CNTN5: variants seen among roughly 807,000 people sequenced by gnomAD.
CNTN5 encodes contactin-5.
CNTN5 carries 77 observed loss-of-function variants against 129.1 expected under a neutral mutation model. That is an observed-to-expected ratio of 0.60 (90% CI 0.50 to 0.72). The LOEUF is 0.72. CNTN5 is among the 30% of genes least tolerant of loss of function. CNTN5 has a pLI of 0.00. For missense variants in CNTN5, 1,478 were observed against 1,328.8 expected (o/e 1.11, Z -1.75); for synonymous variants, 509 against 465.6 (o/e 1.09, Z -1.20).
chr11:99,237,635 C>G (rs967429769), intron 1 of CNTN5, among the ~76,000 whole-genome samples: 3 of 151,758 alleles, frequency 2.0e-5, no homozygotes, highest in Non-Finnish European at 4.4e-5. Flanking sequence ...GAGCTGAGAT[C>G]GTGCCACCGC....
chr11:99,182,353 C>T (rs893015491), intron 1 of CNTN5, among the ~76,000 whole-genome samples: 5 of 152,116 alleles, frequency 3.3e-5, no homozygotes, highest in Non-Finnish European at 5.9e-5. Context: ...AATGTTGTAC[C>T]TCACAGTCAT....
intron 3 of CNTN5, among the ~76,000 whole-genome samples, chr11:99,766,795 A>C (rs1413673800): frequency 1.3e-5 from 2 of 152,046 alleles, no homozygotes; most frequent in Non-Finnish European, 2.9e-5. Flanking sequence ...TGCATTTGTT[A>C]ATTATTTTCA....
intron 16 of CNTN5, among the ~76,000 whole-genome samples, chr11:100,239,275 T>C (rs755248281): frequency 3.9e-5 from 6 of 152,106 alleles, no homozygotes; most frequent in Non-Finnish European, 8.8e-5. Flanking sequence ...ACCAAGAAGA[T>C]ATAATTGAGT....
chr11:99,575,607 T>A (rs1471959075), intron 3 of CNTN5, among the ~76,000 whole-genome samples: 2 of 152,114 alleles, frequency 1.3e-5, no homozygotes, highest in Non-Finnish European at 2.9e-5. Flanking sequence ...CCAAAGTAAG[T>A]TGATAAAAGC....
chr11:100,325,082 A>G (rs1367454610), intron 21 of CNTN5, among the ~76,000 whole-genome samples: 1 of 152,178 alleles, frequency 6.6e-6, no homozygotes, highest in Non-Finnish European at 1.5e-5. Context: ...GCAAGCAGGG[A>G]CTTTGCCAAT....
chr11:99,335,105 A>T (rs1440579883), intron 2 of CNTN5, among the ~76,000 whole-genome samples: 2 of 152,182 alleles, frequency 1.3e-5, no homozygotes, highest in East Asian at 3.9e-4. Flanking sequence ...AATAACAGCA[A>T]TAGCAAATAT....
At chr11:99,351,471 T>A (rs1938294559) in intron 2 of CNTN5, among the ~76,000 whole-genome samples, 1 of 152,256 alleles carries the variant, frequency 6.6e-6, no homozygotes, top group Non-Finnish European at 1.5e-5. Flanking sequence ...TTCCTCCTTC[T>A]ATGCTTACAT....
intron 3 of CNTN5, among the ~76,000 whole-genome samples, chr11:99,594,392 G>A (rs560023321): frequency 1.1e-3 from 172 of 152,216 alleles, no homozygotes; most frequent in African/African-American, 3.9e-3. Context: ...GCTGATATCT[G>A]GACAAAGCTT....
chr11:99,548,495 C>A (rs146671445), intron 2 of CNTN5, among the ~76,000 whole-genome samples: 2 of 152,242 alleles, frequency 1.3e-5, no homozygotes, highest in African/African-American at 4.8e-5. Flanking sequence ...TATAGCCAAT[C>A]GCTGGTTGAA....
chr11:99,940,723 A>G (rs1165430033), intron 7 of CNTN5, among the ~76,000 whole-genome samples: 1 of 152,098 alleles, frequency 6.6e-6, no homozygotes, highest in African/African-American at 2.4e-5. Context: ...TTCATTAGAG[A>G]GTTCATAAAA....
At chr11:99,176,929 T>C (rs1475320525) in intron 1 of CNTN5, among the ~76,000 whole-genome samples, 2 of 152,280 alleles carry the variant, frequency 1.3e-5, no homozygotes, top group East Asian at 1.9e-4. Context: ...TTTGACCTGA[T>C]CTTGGCCCTT....
intron 15 of CNTN5, among the ~76,000 whole-genome samples, chr11:100,199,758 A>C (rs1261842177): frequency 6.6e-6 from 1 of 151,944 alleles, no homozygotes; most frequent in African/African-American, 2.4e-5. Context: ...GAATATGATC[A>C]ATATATGCCA....
intron 1 of CNTN5, among the ~76,000 whole-genome samples, chr11:99,145,704 G>A (rs988973748): frequency 6.6e-6 from 1 of 151,772 alleles, no homozygotes; most frequent in South Asian, 2.1e-4. Context: ...CAGCTCAAAC[G>A]GCAAGTATTA....
At chr11:99,029,815 T>G (rs1863277578) in intron 1 of CNTN5, among the ~76,000 whole-genome samples, 3 of 152,296 alleles carry the variant, frequency 2.0e-5, no homozygotes, top group Admixed American at 1.3e-4. Context: ...CCCTTTACTG[T>G]GACTTGTACA....
intron 2 of CNTN5, among the ~76,000 whole-genome samples, chr11:99,419,310 A>G (rs778589049): frequency 6.6e-6 from 1 of 152,292 alleles, no homozygotes; most frequent in Admixed American, 6.5e-5. Context: ...CTCATTTTCT[A>G]GAGCTTGGGA....
chr11:100,063,232 T>C (rs938396575), intron 10 of CNTN5, among the ~76,000 whole-genome samples: 1 of 148,436 alleles, frequency 6.7e-6, no homozygotes, highest in Non-Finnish European at 1.5e-5. Context: ...TTTCCAGAAA[T>C]GTAAAAAAAA....
intron 13 of CNTN5, among the ~76,000 whole-genome samples, chr11:100,146,926 T>G (rs1946869200): frequency 1.3e-5 from 2 of 152,178 alleles, no homozygotes; most frequent in African/African-American, 4.8e-5. Flanking sequence ...AGTCTCCATT[T>G]TCATCATTGC....
At chr11:100,161,872 CAA>C (rs1555025978) in intron 13 of CNTN5, among the ~76,000 whole-genome samples, 1 of 127,672 alleles carries the variant, frequency 7.8e-6, no homozygotes, top group South Asian at 2.5e-4. Flanking sequence ...CACACACACA[CAA>C]AACAAAAAAC....
intron 3 of CNTN5, among the ~76,000 whole-genome samples, chr11:99,722,418 G>T (rs560863378): frequency 6.6e-6 from 1 of 152,012 alleles, no homozygotes; most frequent in Admixed American, 6.6e-5. Flanking sequence ...CTTGTGAGTG[G>T]GAGCTAAATG....
Sources: allele counts gnomAD v4.1 joint callset (sites outside exome capture counted in the v4.1 genomes callset), GRCh38; gene constraint gnomAD v4.1.1; transcripts MANE v1.5; gene names NCBI Gene and HGNC (gene_info 2026-07-23, HGNC 2026-07-21).